The following LMO7 variants were observed in gnomAD, a reference collection of about 807,000 sequenced individuals.
LMO7 encodes the protein LIM domain 7.
A neutral mutation model predicts 206.5 loss-of-function variants in LMO7; 120 were observed. The ratio of observed to expected loss-of-function variants is 0.58; its 90% CI spans 0.50 to 0.68. LMO7 has a LOEUF of 0.68. Ranked by LOEUF, LMO7 falls within the 30% of genes least tolerant of loss-of-function variation. LMO7 has a pLI of 0.00. For synonymous variants in LMO7, 706 were observed against 681.5 expected (o/e 1.04, Z -0.56); for missense variants, 1,959 against 1,957.9 (o/e 1.00, Z -0.01).
At chr13:75,714,853 T>G (rs182632392) in intron 2 of LMO7, among the ~76,000 whole-genome samples, 4 of 152,052 alleles carry the variant, frequency 2.6e-5, no homozygotes, top group African/African-American at 9.6e-5. Context: ...GCATGTGACC[T>G]GCAAACTACT....
chr13:75,805,237 C>CCT, intron 8 of LMO7: 1 of 1,150,282 alleles, frequency 8.7e-7, no homozygotes, highest in Non-Finnish European at 1.1e-6. Context: ...TTGTTATGTG[C>CCT]CTCTTCCTTT....
At chr13:75,622,308 G>T (rs2033415184) in intron 1 of LMO7, 1 of 152,542 alleles carries the variant, frequency 6.6e-6, no homozygotes, top group African/African-American at 2.4e-5. Flanking sequence ...ATATGCCTTG[G>T]TAGGAGAAAA....
intron 3 of LMO7, among the ~76,000 whole-genome samples, chr13:75,733,223 C>G (rs1452927114): frequency 6.6e-6 from 1 of 152,246 alleles, no homozygotes; most frequent in Non-Finnish European, 1.5e-5. Context: ...TGCCCTGCCC[C>G]CAGAGGTGGA....
chr13:75,707,417 T>C (rs543990041), intron 1 of LMO7, among the ~76,000 whole-genome samples: 2 of 152,280 alleles, frequency 1.3e-5, no homozygotes, highest in East Asian at 3.9e-4. Flanking sequence ...TTCAATTTCA[T>C]GTCATTTTCT....
chr13:75,804,999 C>T (rs2055256043), intron 8 of LMO7: 11 of 999,752 alleles, frequency 1.1e-5, no homozygotes, highest in Non-Finnish European at 1.2e-5. Context: ...ACGAAGGTTT[C>T]CTGACATAGT....
intron 11 of LMO7, among the ~76,000 whole-genome samples, chr13:75,809,584 G>A (rs1015230145): frequency 3.3e-5 from 5 of 152,078 alleles, no homozygotes; most frequent in Non-Finnish European, 2.9e-5. Context: ...GATGGAAAAA[G>A]AATATTAGCA....
intron 3 of LMO7, among the ~76,000 whole-genome samples, chr13:75,748,392 C>T (rs566928482): frequency 2.7e-4 from 41 of 152,308 alleles, no homozygotes; most frequent in Admixed American, 6.5e-4. Context: ...GGGCAAGTCA[C>T]GTAACCCCTT....
intron 4 of LMO7, among the ~76,000 whole-genome samples, chr13:75,770,317 G>A (rs1214073568): frequency 1.3e-5 from 2 of 151,998 alleles, no homozygotes; most frequent in Admixed American, 1.3e-4. Flanking sequence ...GCAGCCCAAT[G>A]TTGATGGGGA....
Position 75,841,917 on chromosome 13 carries a change from C to T in LMO7, c.3965C>T (p.Ala1322Val), listed in dbSNP as rs765653292. The T allele has an allele frequency of 3.2e-5, 51 of 1,613,404 alleles. No individual in the cohort carries two copies. In the East Asian group the frequency reaches 3.6e-4, roughly 11 times the overall value. ...GAGGCTGAGGAGCAGAAGCGTCCTGCGGAGGAGCAGAAGCGCCAGGCAGAG... is the reference window on the plus strand; with the variant it reads ...GAGGCTGAGGAGCAGAAGCGTCCTGTGGAGGAGCAGAAGCGCCAGGCAGAG... ...QAEAEEQKRP[A>V]EEQKRQAEIE... Residue 1322 changes from alanine (A) to valine (V), a missense_variant, in exon 24 of 31, where the codon GCG (alanine) becomes GTG (valine). Ala to Val is a moderately conservative substitution (Grantham distance 64). Transcript: ENST00000377534.
intron 1 of LMO7, among the ~76,000 whole-genome samples, chr13:75,694,025 A>C (rs1236059218): frequency 6.6e-6 from 1 of 151,944 alleles, no homozygotes; most frequent in Non-Finnish European, 1.5e-5. Context: ...AAAAAAAAAA[A>C]CTATTTACGA....
chr13:75,716,712 A>C (rs1275072509), intron 2 of LMO7, among the ~76,000 whole-genome samples: 1 of 152,068 alleles, frequency 6.6e-6, no homozygotes, highest in Non-Finnish European at 1.5e-5. Context: ...ATATATATTT[A>C]AAAAATATAA....
At chr13:75,647,459 T>C (rs1367390192) in intron 1 of LMO7, among the ~76,000 whole-genome samples, 3 of 152,186 alleles carry the variant, frequency 2.0e-5, no homozygotes. Flanking sequence ...TAACCAATTC[T>C]AAAGAAGCCT....
Position 75,855,182 on chromosome 13 carries a change from T to G in LMO7, c.4662-78T>G, listed in dbSNP as rs1029317732. 13 of 815,692 alleles carry G rather than the reference T, an allele frequency of 1.6e-5. No individual in the cohort carries two copies. The Admixed American group carries it at 2.6e-4, about 17-fold the overall frequency. The allele number at this position is 815,692 out of a possible 1,614,324, so 50.5% of individuals were successfully genotyped here. A position where few individuals can be genotyped will look rare whatever the true frequency, so the allele number is the denominator to read the frequency against. On this transcript the variant is annotated intron_variant, in intron 28 of 30. Coordinates refer to ENST00000377534, the MANE Select transcript of LMO7 (RefSeq NM_001306080.2). ...TTTCTTAAATTATTATCAGTGTTAA[T>G]AGCAGAGTGTGACTTTTAAAGAAGA...
chr13:75,696,583 T>G (rs188913088), intron 1 of LMO7, among the ~76,000 whole-genome samples: 69 of 152,178 alleles, frequency 4.5e-4, no homozygotes, highest in African/African-American at 1.6e-3. Flanking sequence ...TAAAACCCAG[T>G]TAAGGGCCTT....
At position 75,636,496 on chromosome 13, in the gene LMO7, G is replaced by A; in HGVS notation, c.-162G>A. 1 of 1,476,688 alleles carries A rather than the reference G, an allele frequency of 6.8e-7. No individual in the cohort carries two copies. The highest frequency in any genetic ancestry group is 8.9e-7 in the Non-Finnish European group (1 of 1,124,480). The allele number at this position is 1,476,688 out of a possible 1,614,324, so 91.5% of individuals were successfully genotyped here. A position where few individuals can be genotyped will look rare whatever the true frequency, so the allele number is the denominator to read the frequency against. On this transcript the variant is annotated 5_prime_UTR_variant, in exon 1 of 31. Transcript: ENST00000377534. ...GTTCGAGACCTTAACGAACTGCAGA[G>A]CGCAACAAAGGGAACTAGAGCCCCG...
intron 4 of LMO7, among the ~76,000 whole-genome samples, chr13:75,790,759 G>A (rs1467226626): frequency 6.6e-6 from 1 of 152,118 alleles, no homozygotes; most frequent in Non-Finnish European, 1.5e-5. Context: ...AGAAAGCTCA[G>A]ATGTCCATGA....
chr13:75,773,971 G>A (rs982893778), intron 4 of LMO7, among the ~76,000 whole-genome samples: 16 of 151,860 alleles, frequency 1.1e-4, no homozygotes, highest in African/African-American at 3.6e-4. Context: ...TTTCTTGCTG[G>A]TGTAAAATGA....
At chr13:75,678,042 T>A (rs1313599888) in intron 1 of LMO7, among the ~76,000 whole-genome samples, 1 of 151,992 alleles carries the variant, frequency 6.6e-6, no homozygotes, top group African/African-American at 2.4e-5. Flanking sequence ...CAGTCTATCA[T>A]TGTTGGACAT....
intron 1 of LMO7, among the ~76,000 whole-genome samples, chr13:75,665,474 GATTA>G (rs1186625784): frequency 2.6e-5 from 4 of 151,650 alleles, no homozygotes; most frequent in East Asian, 3.9e-4. Flanking sequence ...AATCTGAATG[GATTA>G]ATTGACTTGA....
Sources: allele counts gnomAD v4.1 joint callset (sites outside exome capture counted in the v4.1 genomes callset), GRCh38; gene constraint gnomAD v4.1.1; transcripts MANE v1.5; gene names NCBI Gene and HGNC (gene_info 2026-07-23, HGNC 2026-07-21).